The following FAS variants were observed in gnomAD, a reference collection of about 807,000 sequenced individuals.
The protein encoded by FAS is Fas cell surface death receptor, also known as tumor necrosis factor receptor superfamily member 6.
A neutral mutation model predicts 33.2 loss-of-function variants in FAS; 5 were observed. The ratio of observed to expected loss-of-function variants is 0.15; its 90% CI spans 0.08 to 0.32. The LOEUF is 0.32. Ranked by LOEUF, FAS falls within the 10% of genes least tolerant of loss-of-function variation. The pLI is 1.00. For synonymous variants in FAS, 131 were observed against 130.7 expected, an observed-to-expected ratio of 1.00 and a Z score of -0.01; for missense variants, 339 against 386.0, an observed-to-expected ratio of 0.88 and a Z score of 1.02.
chr10:88,975,763 G>A (rs545661623), intron 2 of FAS, among the ~76,000 whole-genome samples: 1 of 152,274 alleles, frequency 6.6e-6, no homozygotes, highest in Non-Finnish European at 1.5e-5. Flanking sequence ...GGAGATACTT[G>A]ACAGAGCAGG....
chr10:88,968,583 G>C (rs559118812), intron 1 of FAS, among the ~76,000 whole-genome samples: 4 of 152,100 alleles, frequency 2.6e-5, no homozygotes, highest in Non-Finnish European at 5.9e-5. Flanking sequence ...AGAAAATTCT[G>C]GCTTCTTTAG....
At chr10:88,973,140 T>C in intron 1 of FAS, 1 of 1,563,588 alleles carries the variant, frequency 6.4e-7, no homozygotes, top group Non-Finnish European at 8.6e-7. Context: ...GGGCCTTGCC[T>C]CCCAATCCTC....
At chr10:88,982,501 C>T (rs180866865), upstream of FAS, among the ~76,000 whole-genome samples, 11 of 151,278 alleles carry the variant, frequency 7.3e-5, no homozygotes, top group East Asian at 1.9e-3. Flanking sequence ...AGATACATGT[C>T]CCACGACAGA....
At chr10:89,012,242 A>G (rs188788208) in intron 7 of FAS, 161 bp downstream of exon 7, 89 of 623,170 alleles carry the variant, frequency 1.4e-4, no homozygotes, top group African/African-American at 1.4e-3. Context: ...CAGGGGTGCA[A>G]TCATGGCTCA....
At chr10:88,978,765 T>C (rs1349073014) in intron 2 of FAS, among the ~76,000 whole-genome samples, 1 of 152,198 alleles carries the variant, frequency 6.6e-6, no homozygotes, top group Non-Finnish European at 1.5e-5. Flanking sequence ...AATCCTCTCT[T>C]CTACAAATTC....
At chr10:88,975,658 G>A (rs1387528268) in intron 2 of FAS, among the ~76,000 whole-genome samples, 1 of 151,186 alleles carries the variant, frequency 6.6e-6, no homozygotes, top group Non-Finnish European at 1.5e-5. Flanking sequence ...TTTTTTCAAT[G>A]TTGGTCAATG....
chr10:89,013,963 G>C, intron 8 of FAS, 156 bp from the exon 9 acceptor site: 1 of 728,808 alleles, frequency 1.4e-6, no homozygotes, highest in Non-Finnish European at 2.2e-6. Context: ...TAGAACTCAA[G>C]GTTGTCTTGT....
In FAS at chr10:89,016,901, T is replaced by A. The variant is rs1233367262; in HGVS notation, c.*2451T>A. 1 of 195,036 alleles carries A rather than the reference T, an allele frequency of 5.1e-6. No individual in the cohort carries two copies. Among genetic ancestry groups the A allele is most frequent in the African/African-American group, 2.3e-5 (1 of 43,228 alleles). 12.1% of individuals were successfully genotyped at this position (195,036 alleles called of 1,614,324 possible). On this transcript the variant is annotated 3_prime_UTR_variant, in exon 9 of 9. Coordinates refer to ENST00000652046, the MANE Select transcript of FAS (RefSeq NM_000043.6). ...CACTTTTTAGATATTGAATCATCAGTTTCTGTACAACTATCTGAATAAGGT... is the reference window on the plus strand; with the variant it reads ...CACTTTTTAGATATTGAATCATCAGATTCTGTACAACTATCTGAATAAGGT...
chr10:88,990,114 C>T (rs1847075419), upstream of FAS, among the ~76,000 whole-genome samples: 1 of 152,120 alleles, frequency 6.6e-6, no homozygotes. The surrounding 1 kb of genome is among the most constrained non-coding windows in gnomAD (Gnocchi z 4.9). Flanking sequence ...CTTTGTTTTC[C>T]TCTTGAGAAA....
intron 2 of FAS, among the ~76,000 whole-genome samples, chr10:89,005,690 T>C (rs1848187573): frequency 6.6e-6 from 1 of 152,206 alleles, no homozygotes; most frequent in African/African-American, 2.4e-5. Flanking sequence ...CAGGCTGAAG[T>C]GCAGTGGCAT....
upstream of FAS, among the ~76,000 whole-genome samples, chr10:88,988,885 A>G (rs1847004916): frequency 6.6e-6 from 1 of 152,150 alleles, no homozygotes; most frequent in Admixed American, 6.5e-5. Context: ...GTAACCCAGA[A>G]TTTTCTAAGA....
chr10:89,014,793 T>C lies in FAS; in HGVS notation c.*343T>C. ...ATCAGTGTATGTTAGTACAAATGTC[T>C]ATCCACAGGCTAACCCCACTCTATG... is the stretch of plus-strand genomic sequence containing the variant. On this transcript the variant is annotated 3_prime_UTR_variant, in exon 9 of 9. Coordinates refer to ENST00000652046, the MANE Select transcript of FAS (RefSeq NM_000043.6). 3.6e-6 allele frequency: 2 copies of C among 553,096 alleles called. No homozygotes were observed. Among genetic ancestry groups the C allele is most frequent in the Non-Finnish European group, 6.9e-6 (2 of 289,854 alleles). 34.3% of individuals were successfully genotyped at this position (553,096 alleles called of 1,614,324 possible).
chr10:88,970,014 G>C (rs1364607774), intron 1 of FAS, among the ~76,000 whole-genome samples: 1 of 152,144 alleles, frequency 6.6e-6, no homozygotes, highest in Non-Finnish European at 1.5e-5. Flanking sequence ...CATGGCAGAC[G>C]TCAGATGTAA....
At position 89,016,058 on chromosome 10, in the gene FAS, G is replaced by A. The variant is rs1432257007; in HGVS notation, c.*1608G>A. 4.3e-6 allele frequency: 1 copy of A among 230,796 alleles called. No homozygotes were observed. The highest frequency in any genetic ancestry group is 5.4e-5 in the Admixed American group (1 of 18,422). 14.3% of individuals were successfully genotyped at this position (230,796 alleles called of 1,614,324 possible). A position where few individuals can be genotyped will look rare whatever the true frequency, so the allele number is the denominator to read the frequency against. On this transcript the variant is annotated 3_prime_UTR_variant, in exon 9 of 9. Transcript: ENST00000652046. Reference sequence around the variant, plus strand: ...AAGAAAGTATACATTTCAAGGGGTAGGTTTTATTATTAAGAAAGCCAAATG... The same window carrying A: ...AAGAAAGTATACATTTCAAGGGGTAAGTTTTATTATTAAGAAAGCCAAATG...
intron 1 of FAS, among the ~76,000 whole-genome samples, chr10:88,969,240 T>A (rs1244067772): frequency 1.3e-5 from 2 of 152,188 alleles, no homozygotes; most frequent in African/African-American, 4.8e-5. Context: ...TTCCGTAATG[T>A]CCAAATTACC....
At chr10:88,980,515 T>A (rs1046939443) in intron 2 of FAS, among the ~76,000 whole-genome samples, 2 of 151,898 alleles carry the variant, frequency 1.3e-5, no homozygotes, top group African/African-American at 4.9e-5. Context: ...TAATTTGTCA[T>A]CCCCAGTAAT....
intron 1 of FAS, among the ~76,000 whole-genome samples, chr10:89,000,773 G>T (rs1847877481): frequency 6.6e-6 from 1 of 152,224 alleles, no homozygotes; most frequent in South Asian, 2.1e-4. Context: ...TTGGCCGGGT[G>T]CGTTGGCTCA....
At position 89,015,762 on chromosome 10, in the gene FAS, C is replaced by A. The variant is rs187980745; in HGVS notation, c.*1312C>A. The A allele has an allele frequency of 4.1e-6, 2 of 486,382 alleles. No individual in the cohort carries two copies. Among genetic ancestry groups the A allele is most frequent in the African/African-American group, 3.8e-5 (2 of 52,472 alleles). 30.1% of individuals were successfully genotyped at this position (486,382 alleles called of 1,614,324 possible). On this transcript the variant is annotated 3_prime_UTR_variant, in exon 9 of 9. Transcript: ENST00000652046. The stretch of plus-strand genomic sequence containing the variant: ...GAATTATAAAATATAGGTAAAAGTA[C>A]GTAATTAAATAATGTTTTTGGTATT...
chr10:88,990,977 G>T lies in FAS; in HGVS notation c.30+71G>T. 6.2e-7 allele frequency: 1 copy of T among 1,606,874 alleles called. No individual in the cohort carries two copies. Among genetic ancestry groups the T allele is most frequent in the Non-Finnish European group, 8.5e-7 (1 of 1,173,966 alleles). ...CGGGGATAGGCAAAGTGGGGCGGGC[G>T]CGGGACGCGTGCGGGATTGCGGCGG... is the stretch of plus-strand genomic sequence containing the variant. On this transcript the variant is annotated intron_variant, in intron 1 of 8. Coordinates refer to ENST00000652046, the MANE Select transcript of FAS (RefSeq NM_000043.6). This position sits in a 1 kb window ranked among gnomAD's most constrained non-coding sequence, Gnocchi z 4.9.
Sources: gnomAD v4.1 joint callset for allele counts (sites outside exome capture counted in the v4.1 genomes callset) on GRCh38, gnomAD v4.1.1 for gene constraint, Gnocchi (gnomAD v3.1) non-coding constraint, MANE v1.5 for transcripts, NCBI Gene and HGNC (gene_info 2026-07-23, HGNC 2026-07-21) for gene names.